Variants in GPR176 observed in about 807,000 individuals in gnomAD.
GPR176 encodes the protein G protein-coupled receptor 176, also known as G-protein coupled receptor 176.
In GPR176, 26 loss-of-function variants were observed where a neutral mutation model predicts 35.4. That is an observed-to-expected ratio of 0.74 (90% CI 0.54 to 1.02). The LOEUF is 1.02. Among genes scored for constraint, GPR176 ranks in the 50% least tolerant of loss-of-function variants. The pLI, the probability that GPR176 is intolerant of heterozygous loss-of-function variation, is 0.00. For synonymous variants in GPR176, 278 were observed against 271.3 expected, an observed-to-expected ratio of 1.02 and a Z score of -0.24; for missense variants, 597 against 665.3, an observed-to-expected ratio of 0.90 and a Z score of 1.13.
chr15:39,891,350 G>C (rs1054918070), intron 1 of GPR176, among the ~76,000 whole-genome samples: 15 of 152,186 alleles, frequency 9.9e-5, no homozygotes, highest in Non-Finnish European at 2.2e-4. Flanking sequence ...AACTGCTCAT[G>C]ATATTTTCGG....
At chr15:39,813,447 A>G (rs1313360260) in intron 1 of GPR176, 1 of 152,156 alleles carries the variant, frequency 6.6e-6, no homozygotes, top group East Asian at 1.9e-4. Context: ...CTGAGTTGAG[A>G]GGGTTTCTTC....
At chr15:39,804,890 C>T (rs542394338) in intron 2 of GPR176, among the ~76,000 whole-genome samples, 1 of 152,108 alleles carries the variant, frequency 6.6e-6, no homozygotes, top group Admixed American at 6.5e-5. Context: ...ATAAAGCAAA[C>T]ATATAGAAAA....
chr15:39,823,381 T>C (rs77030702), intron 1 of GPR176, among the ~76,000 whole-genome samples: 2,192 of 152,286 alleles, frequency 0.014, 30 homozygotes, highest in Non-Finnish European at 0.021. Context: ...CAGAAAATGA[T>C]ACCTCCATCC....
chr15:39,839,256 CA>C (rs1293397144), intron 1 of GPR176, among the ~76,000 whole-genome samples: 2 of 152,094 alleles, frequency 1.3e-5, no homozygotes, highest in Admixed American at 1.3e-4. Context: ...TTACAGTAAC[CA>C]AAACAGCTTG....
intron 1 of GPR176, among the ~76,000 whole-genome samples, chr15:39,841,008 C>G (rs949248475): frequency 5.3e-5 from 8 of 152,122 alleles, no homozygotes; most frequent in African/African-American, 1.9e-4. Flanking sequence ...ACTCCAGATC[C>G]TCTGGCTTAA....
chr15:39,909,367 C>T (rs550379648), intron 1 of GPR176, among the ~76,000 whole-genome samples: 2 of 152,324 alleles, frequency 1.3e-5, no homozygotes, highest in South Asian at 2.1e-4. Context: ...AATCACTGTA[C>T]GTATTTCTTG....
chr15:39,890,927 T>C (rs1249425254), intron 1 of GPR176, among the ~76,000 whole-genome samples: 1 of 152,210 alleles, frequency 6.6e-6, no homozygotes, highest in East Asian at 1.9e-4. Context: ...AAATTTATAA[T>C]TGTAGAGTTT....
intron 1 of GPR176, among the ~76,000 whole-genome samples, chr15:39,908,476 CTA>C (rs200493540): frequency 0.019 from 2,818 of 152,164 alleles, 41 homozygotes; most frequent in Non-Finnish European, 0.027. Flanking sequence ...TACAAAAATA[CTA>C]TATGTTATCA....
intron 1 of GPR176, among the ~76,000 whole-genome samples, chr15:39,860,197 T>C (rs938248799): frequency 2.6e-5 from 4 of 152,190 alleles, no homozygotes; most frequent in Non-Finnish European, 4.4e-5. Flanking sequence ...GATGAGAGGA[T>C]GGGCAATGCA....
chr15:39,830,999 A>G (rs867709281), intron 1 of GPR176, among the ~76,000 whole-genome samples: 2 of 152,212 alleles, frequency 1.3e-5, no homozygotes, highest in Non-Finnish European at 2.9e-5. Context: ...ATCAAAGAGC[A>G]TTATCTTTGA....
At chr15:39,846,751 T>C (rs1388623858) in intron 1 of GPR176, among the ~76,000 whole-genome samples, 2 of 151,958 alleles carry the variant, frequency 1.3e-5, no homozygotes, top group Non-Finnish European at 1.5e-5. Context: ...TCTTCAGGAA[T>C]GAAGGAGAAG....
intron 1 of GPR176, among the ~76,000 whole-genome samples, chr15:39,811,035 T>C (rs1052026550): frequency 2.0e-5 from 3 of 152,228 alleles, no homozygotes; most frequent in Admixed American, 1.3e-4. Context: ...TTAACTAATA[T>C]GCCAGGTAAC....
At chr15:39,915,911 T>C (rs1034980011) in intron 1 of GPR176, among the ~76,000 whole-genome samples, 1 of 152,150 alleles carries the variant, frequency 6.6e-6, no homozygotes, top group Non-Finnish European at 1.5e-5. Context: ...TAAATTGCAA[T>C]GTAGGATACA....
chr15:39,808,956 A>G (rs1045340016), intron 1 of GPR176, among the ~76,000 whole-genome samples: 2 of 152,200 alleles, frequency 1.3e-5, no homozygotes, highest in East Asian at 3.8e-4. Context: ...GTTGGCCCCC[A>G]GACTACAGTT....
At chr15:39,869,529 T>G (rs1173182450) in intron 1 of GPR176, among the ~76,000 whole-genome samples, 1 of 152,212 alleles carries the variant, frequency 6.6e-6, no homozygotes, top group Non-Finnish European at 1.5e-5. Flanking sequence ...CACAAGCTGT[T>G]TACAGAGCAC....
At chr15:39,838,374 G>A (rs7164820) in intron 1 of GPR176, among the ~76,000 whole-genome samples, 1,731 of 152,066 alleles carry the variant, frequency 0.011, 54 homozygotes, top group African/African-American at 0.04. Flanking sequence ...TAGACTAAAA[G>A]AAGAAAAAAT....
At chr15:39,855,748 C>G (rs1212442200) in intron 1 of GPR176, among the ~76,000 whole-genome samples, 1 of 152,106 alleles carries the variant, frequency 6.6e-6, no homozygotes, top group Non-Finnish European at 1.5e-5. Context: ...AATAAAATAC[C>G]CATCAGCTGA....
intron 1 of GPR176, among the ~76,000 whole-genome samples, chr15:39,827,119 T>C (rs189019777): frequency 4.6e-5 from 7 of 152,234 alleles, no homozygotes; most frequent in African/African-American, 7.2e-5. Flanking sequence ...GAACAGGAAT[T>C]TATGCTAAAC....
chr15:39,907,330 G>C (rs143481837), intron 1 of GPR176, among the ~76,000 whole-genome samples: 1 of 152,178 alleles, frequency 6.6e-6, no homozygotes, highest in Non-Finnish European at 1.5e-5. Context: ...ATCTAGCCCA[G>C]ACTCTTATCT....
Sources: allele counts gnomAD v4.1 joint callset (sites outside exome capture counted in the v4.1 genomes callset), GRCh38; gene constraint gnomAD v4.1.1; transcripts MANE v1.5; gene names NCBI Gene and HGNC (gene_info 2026-07-23, HGNC 2026-07-21).